Variants in PCCB observed in about 807,000 individuals in gnomAD.
PCCB encodes propionyl-CoA carboxylase subunit beta, also known as propionyl-CoA carboxylase beta chain, mitochondrial.
Under a neutral mutation model 60.7 loss-of-function variants are expected in PCCB, and 43 were observed. The observed-to-expected ratio is 0.71, with a 90% CI of 0.55 to 0.91. The LOEUF is 0.91. PCCB is among the 40% of genes least tolerant of loss of function. The pLI is 0.00. For missense variants in PCCB, 766 were observed against 702.8 expected (o/e 1.09, Z -1.02); for synonymous variants, 276 against 255.9 (o/e 1.08, Z -0.75).
chr3:136,253,082 GTTTTT>G (rs59099393), intron 1 of PCCB, among the ~76,000 whole-genome samples: 1,470 of 71,602 alleles, frequency 0.021, 50 homozygotes, highest in East Asian at 0.11. Flanking sequence ...AGCAATGGAG[GTTTTT>G]TTTTTTTTTT....
intron 5 of PCCB, among the ~76,000 whole-genome samples, chr3:136,282,458 A>G (rs1388970465): frequency 6.6e-6 from 1 of 152,008 alleles, no homozygotes; most frequent in Non-Finnish European, 1.5e-5. Context: ...TTTTAGCTGT[A>G]TTTTTTGAGT....
intron 7 of PCCB, among the ~76,000 whole-genome samples, chr3:136,296,279 C>A (rs1470499710): frequency 6.6e-6 from 1 of 152,176 alleles, no homozygotes; most frequent in African/African-American, 2.4e-5. Flanking sequence ...ACAGATACTT[C>A]TGCTCTAGGC....
chr3:136,327,522 C>T, intron 12 of PCCB, 112 bp from the exon 13 acceptor site: 1 of 844,114 alleles, frequency 1.2e-6, no homozygotes, highest in African/African-American at 1.6e-5. Flanking sequence ...TTCAGGAGCC[C>T]AGTAGGGCTA....
In PCCB at chr3:136,260,506, T is replaced by G; in HGVS notation, c.400T>G (p.Ser134Ala). ...QDFTVFGGSLSGAHAQKICKI... is the reference protein window; with the variant it reads ...QDFTVFGGSLAGAHAQKICKI... Reference sequence around the variant, plus strand: ...TTTTACAGTTTTTGGAGGCAGTCTGTCAGGAGCACATGCCCAAAAGATCTG... The same window carrying G: ...TTTTACAGTTTTTGGAGGCAGTCTGGCAGGAGCACATGCCCAAAAGATCTG... Residue 134 changes from serine (S) to alanine (A), a missense_variant, in exon 4 of 15, where the codon TCA (serine) becomes GCA (alanine). By Grantham distance (99) the Ser-to-Ala change is moderately conservative. Coordinates refer to ENST00000251654, the MANE Select transcript of PCCB (RefSeq NM_000532.5). 1 of 1,613,812 alleles carries G rather than the reference T, an allele frequency of 6.2e-7. No individual in the cohort carries two copies. The highest frequency in any genetic ancestry group is 8.5e-7 in the Non-Finnish European group (1 of 1,179,754).
Position 136,259,422 on chromosome 3 carries a change from G to A in PCCB, c.373-1057G>A, listed in dbSNP as rs1008533571. ...GGAGGATACAGTGAGCCAAGATTAC[G>A]CCACTGCACTCCAGCCTGGGTGACA... is the stretch of plus-strand genomic sequence containing the variant. On this transcript the variant is annotated intron_variant, in intron 3 of 14. Transcript: ENST00000251654. Among the ~76,000 whole-genome samples the A allele has an allele frequency of 3.3e-5, 5 of 152,102 alleles. 1 individual carries two copies. The highest frequency in any genetic ancestry group is 3.9e-4 in the East Asian group (2 of 5,180).
At chr3:136,279,812 C>T (rs1037510069) in intron 5 of PCCB, among the ~76,000 whole-genome samples, 20 of 152,106 alleles carry the variant, frequency 1.3e-4, no homozygotes, top group East Asian at 5.8e-4. Context: ...GGACTACAGG[C>T]GCGCACCACC....
chr3:136,252,581 G>T (rs1234477123), intron 1 of PCCB, among the ~76,000 whole-genome samples: 1 of 151,496 alleles, frequency 6.6e-6, no homozygotes, highest in Non-Finnish European at 1.5e-5. Context: ...AGGCTGGAGG[G>T]CAGTGGTGTA....
intron 5 of PCCB, among the ~76,000 whole-genome samples, chr3:136,269,740 GC>G (rs1942137874): frequency 6.6e-6 from 1 of 152,012 alleles, no homozygotes; most frequent in Non-Finnish European, 1.5e-5. Flanking sequence ...AAAAAAATTA[GC>G]CGGGTGTGGT....
At chr3:136,309,262 C>CAAAAAAAAAAAAA (rs1202774808) in intron 9 of PCCB, among the ~76,000 whole-genome samples, 2 of 46,994 alleles carry the variant, frequency 4.3e-5, no homozygotes, top group Non-Finnish European at 4.4e-5. Flanking sequence ...GACTCCATCT[C>CAAAAAAAAAAAAA]AAAAAAAAAA....
chr3:136,259,002 G>A (rs1254989982), intron 3 of PCCB, among the ~76,000 whole-genome samples: 1 of 151,926 alleles, frequency 6.6e-6, no homozygotes, highest in African/African-American at 2.4e-5. Context: ...TTGTCTCCTT[G>A]TTCTTATTCT....
At chr3:136,291,575 G>A (rs1242950547) in intron 6 of PCCB, among the ~76,000 whole-genome samples, 2 of 152,094 alleles carry the variant, frequency 1.3e-5, no homozygotes, top group South Asian at 2.1e-4. Flanking sequence ...TCAGTCTCTC[G>A]TACTTTTTTG....
At chr3:136,268,069 T>TGTGC (rs1942057845) in intron 5 of PCCB, among the ~76,000 whole-genome samples, 1 of 118,494 alleles carries the variant, frequency 8.4e-6, no homozygotes, top group Non-Finnish European at 1.7e-5. Context: ...TGTGTGCGTG[T>TGTGC]GTGTGTGTGT....
intron 9 of PCCB, among the ~76,000 whole-genome samples, chr3:136,302,077 A>G (rs1446419009): frequency 1.3e-5 from 2 of 152,140 alleles, no homozygotes; most frequent in African/African-American, 4.8e-5. Context: ...AACAGTGACC[A>G]CCCATCTCTT....
At chr3:136,316,165 A>G (rs1934885351) in intron 9 of PCCB, among the ~76,000 whole-genome samples, 1 of 151,710 alleles carries the variant, frequency 6.6e-6, no homozygotes, top group South Asian at 2.1e-4. Context: ...GGCTGCAGTG[A>G]GCCATAATTG....
chr3:136,275,485 G>A (rs1165995819), intron 5 of PCCB, among the ~76,000 whole-genome samples: 10 of 151,948 alleles, frequency 6.6e-5, no homozygotes, highest in South Asian at 2.1e-4. Flanking sequence ...GTGATCTTTC[G>A]GGGGTATGAT....
intron 5 of PCCB, among the ~76,000 whole-genome samples, chr3:136,275,409 C>T (rs1205667399): frequency 6.6e-6 from 1 of 152,002 alleles, no homozygotes; most frequent in East Asian, 1.9e-4. Context: ...AATCAACCTA[C>T]TGAATTATTT....
chr3:136,264,973 A>C (rs984530914), intron 5 of PCCB, among the ~76,000 whole-genome samples: 12 of 151,264 alleles, frequency 7.9e-5, no homozygotes, highest in Non-Finnish European at 1.8e-4. Context: ...AGGTGGGTGG[A>C]TCACTAGGTC....
chr3:136,260,094 G>T (rs1195910166), intron 3 of PCCB: 1 of 297,548 alleles, frequency 3.4e-6, no homozygotes, highest in Non-Finnish European at 6.4e-6. Flanking sequence ...TTTGTTTTGA[G>T]ACAGGGTCTT....
At chr3:136,273,801 A>G (rs1195248289) in intron 5 of PCCB, among the ~76,000 whole-genome samples, 60 of 147,446 alleles carry the variant, frequency 4.1e-4, no homozygotes, top group Non-Finnish European at 6.7e-4. Context: ...AGTCCCAGCT[A>G]CTTGTGAGGC....
Sources: allele counts gnomAD v4.1 joint callset (sites outside exome capture counted in the v4.1 genomes callset), GRCh38; gene constraint gnomAD v4.1.1; transcripts MANE v1.5; gene names NCBI Gene and HGNC (gene_info 2026-07-23, HGNC 2026-07-21).